Variants in NFATC2 observed in about 807,000 individuals in gnomAD.
NFATC2 encodes nuclear factor of activated T cells 2.
Under a neutral mutation model 87.3 loss-of-function variants are expected in NFATC2, and 22 were observed. The observed-to-expected ratio is 0.25, with a 90% confidence interval of 0.18 to 0.36. NFATC2 has a LOEUF of 0.36. Ranked by LOEUF, NFATC2 falls within the 10% of genes least tolerant of loss-of-function variation. The probability of loss-of-function intolerance (pLI) is 1.00; values close to 1 mark genes in which losing one functional copy is unlikely to be tolerated. For synonymous variants in NFATC2, 565 were observed against 542.2 expected, an observed-to-expected ratio of 1.04 and a Z score of -0.58; for missense variants, 1,149 against 1,259.1, an observed-to-expected ratio of 0.91 and a Z score of 1.32.
chr20:51,460,557 C>T (rs148080546), intron 5 of NFATC2, among the ~76,000 whole-genome samples: 4 of 151,142 alleles, frequency 2.6e-5, no homozygotes, highest in African/African-American at 9.7e-5. Context: ...ATGTACCAAA[C>T]ATATGCATGT....
intron 10 of NFATC2, among the ~76,000 whole-genome samples, chr20:51,394,159 C>G (rs1193658579): frequency 6.6e-6 from 1 of 152,096 alleles, no homozygotes; most frequent in Non-Finnish European, 1.5e-5. Flanking sequence ...AATGTCGGCA[C>G]TTGTTCCCCT....
At chr20:51,543,288 G>A (rs2076855239), upstream of NFATC2, among the ~76,000 whole-genome samples, 1 of 152,208 alleles carries the variant, frequency 6.6e-6, no homozygotes, top group South Asian at 2.1e-4. Context: ...GCACCCAGCC[G>A]GAGCCAGACA....
At chr20:51,421,083 A>AC (rs1304575638) in intron 9 of NFATC2, among the ~76,000 whole-genome samples, 1 of 151,868 alleles carries the variant, frequency 6.6e-6, no homozygotes, top group Non-Finnish European at 1.5e-5. Context: ...TAAAAAAAAA[A>AC]AAAAACAAAA....
At chr20:51,459,604 G>A (rs569268435) in intron 5 of NFATC2, among the ~76,000 whole-genome samples, 13 of 152,226 alleles carry the variant, frequency 8.5e-5, no homozygotes, top group East Asian at 5.8e-4. Flanking sequence ...TTGGCTGGGC[G>A]CAGTGGCTCA....
chr20:51,503,028 A>C (rs922746612), intron 3 of NFATC2, among the ~76,000 whole-genome samples: 3 of 152,186 alleles, frequency 2.0e-5, no homozygotes, highest in African/African-American at 7.2e-5. Context: ...CAGTATGCCA[A>C]ATCCTTCATA....
At position 51,457,078 on chromosome 20, in the gene NFATC2, C is replaced by T. The variant is rs183041440; in HGVS notation, c.1709-2390G>A. ...CAAGGATAGATTACAAAGACCTCTC[C>T]GCAGAAGCTGCTAATCTCTCCCACA... On this transcript the variant is annotated intron_variant, in intron 5 of 10. Coordinates refer to ENST00000371564, the MANE Select transcript of NFATC2 (RefSeq NM_012340.5). Among the ~76,000 whole-genome samples the T allele has an allele frequency of 2.0e-5, 3 of 152,372 alleles. 1 individual carries two copies. The highest frequency in any genetic ancestry group is 1.9e-4 in the East Asian group (1 of 5,186).
chr20:51,460,819 C>T (rs1379089067), intron 5 of NFATC2, among the ~76,000 whole-genome samples: 2 of 152,072 alleles, frequency 1.3e-5, no homozygotes, highest in Non-Finnish European at 2.9e-5. Context: ...GTGTGGCTCT[C>T]AGGTCACCTG....
rs773172999 is a variant in NFATC2 at position 51,435,181 on chromosome 20, T to C, written c.2032+7A>G. ...ATAACAAAGGGGTCATCAGAAACAC[T>C]CCTTACCTGGGTGGTAGGTAAAGTG... is the stretch of plus-strand genomic sequence containing the variant. On this transcript the variant is annotated splice_region_variant and intron_variant, in intron 8 of 10. Transcript: ENST00000371564. 6.2e-7 allele frequency: 1 copy of C among 1,613,918 alleles called. No individual in the cohort carries two copies.
intron 3 of NFATC2, among the ~76,000 whole-genome samples, chr20:51,512,159 G>A (rs1371403423): frequency 6.6e-6 from 1 of 152,112 alleles, no homozygotes; most frequent in African/African-American, 2.4e-5. Flanking sequence ...GGTCCCAGCT[G>A]ACAAGTCACC....
chr20:51,513,955 A>G (rs1038404627), intron 3 of NFATC2, among the ~76,000 whole-genome samples: 1 of 152,220 alleles, frequency 6.6e-6, no homozygotes, highest in African/African-American at 2.4e-5. Context: ...CTGCAAATAG[A>G]GCTTGCGGTA....
intron 1 of NFATC2, among the ~76,000 whole-genome samples, chr20:51,547,889 A>C (rs2076902193): frequency 6.6e-6 from 1 of 152,110 alleles, no homozygotes; most frequent in Non-Finnish European, 1.5e-5. Flanking sequence ...CCAAGAATTC[A>C]GGCCTTCATT....
intron 3 of NFATC2, among the ~76,000 whole-genome samples, chr20:51,505,745 T>G (rs1288393806): frequency 6.6e-6 from 1 of 152,080 alleles, no homozygotes; most frequent in African/African-American, 2.4e-5. Context: ...AGGCTGGGTG[T>G]CGTTGTCGTG....
rs1175031336 is a variant in NFATC2 at position 51,561,343 on chromosome 20, GAAAGAGAGAGAAAGA to G, written c.70+1202_70+1216del. 3.9e-3 allele frequency among the ~76,000 whole-genome samples: 481 copies of G among 121,854 alleles called. 15 individuals are homozygous for G. Among genetic ancestry groups the G allele is most frequent in the African/African-American group, 0.013 (436 of 32,578 alleles). The allele number at this position is 121,854 out of a possible 152,430, so 79.9% of individuals were successfully genotyped here. On this transcript the variant is annotated intron_variant, in intron 1 of 10. Transcript: ENST00000414705. ...TCTAGTTAAAAAAAAAAAAAAGAAAGAAAGAGAGAGAAAGAAAAGAAAGAAAGAGAGAGAAAAGAA... is the reference window on the plus strand; with the variant it reads ...TCTAGTTAAAAAAAAAAAAAAGAAAGAAAGAAAGAAAGAGAGAGAAAAGAA...
chr20:51,562,675 T>A (rs368892334), upstream of NFATC2: 1 of 1,523,340 alleles, frequency 6.6e-7, no homozygotes. The surrounding 1 kb of genome is among the most constrained non-coding windows in gnomAD (Gnocchi z 5.8). Flanking sequence ...GGGGGATCTG[T>A]TTGTATCGAC....
chr20:51,485,365 C>G (rs1294126578), intron 3 of NFATC2, among the ~76,000 whole-genome samples: 1 of 152,200 alleles, frequency 6.6e-6, no homozygotes, highest in Non-Finnish European at 1.5e-5. Context: ...CCTCTCCACT[C>G]TCAGCTTCCA....
chr20:51,398,852 TAG>T (rs1249672640), intron 9 of NFATC2, 122 bp from the exon 10 acceptor site: 2 of 698,256 alleles, frequency 2.9e-6, no homozygotes, highest in African/African-American at 1.8e-5. Flanking sequence ...CCTTTGGCTC[TAG>T]TTTAAGCCAG....
intron 10 of NFATC2, 54 bp downstream of exon 10, chr20:51,398,569 TTAAAAAAAAAAAAATTCAAG>T (rs1987582911): frequency 1.1e-6 from 1 of 885,594 alleles, no homozygotes; most frequent in Non-Finnish European, 1.5e-6. Context: ...TATACTTTAC[TTAAAAAAAAAAAAATTCAAG>T]TTAAGGAAAC....
At chr20:51,417,480 C>T (rs770472506) in intron 9 of NFATC2, among the ~76,000 whole-genome samples, 8 of 152,206 alleles carry the variant, frequency 5.3e-5, no homozygotes, top group Non-Finnish European at 1.2e-4. Context: ...GCTCTTCCCT[C>T]TGCCTGGAAT....
intron 3 of NFATC2, among the ~76,000 whole-genome samples, chr20:51,488,352 C>T (rs532321540): frequency 1.3e-5 from 2 of 152,200 alleles, no homozygotes; most frequent in Non-Finnish European, 1.5e-5. Context: ...TCTCAACCTT[C>T]GCACTATTGG....
Sources: gnomAD v4.1 joint callset for allele counts (sites outside exome capture counted in the v4.1 genomes callset) on GRCh38, gnomAD v4.1.1 for gene constraint, Gnocchi (gnomAD v3.1) non-coding constraint, MANE v1.5 for transcripts, NCBI Gene and HGNC (gene_info 2026-07-23, HGNC 2026-07-21) for gene names.